Variants in RIMBP2 observed in about 807,000 individuals in gnomAD.
RIMBP2 encodes RIMS binding protein 2.
RIMBP2 carries 48 observed loss-of-function variants against 118.6 expected under a neutral mutation model. The observed-to-expected ratio is 0.40, with a 90% CI of 0.32 to 0.51. The LOEUF (loss-of-function observed/expected upper bound fraction) is 0.51, where lower values mean the gene tolerates loss of function less well. Among genes scored for constraint, RIMBP2 ranks in the 20% least tolerant of loss-of-function variants. The pLI is 0.41. For missense variants in RIMBP2, 1,551 were observed against 1,768.3 expected (o/e 0.88, Z 2.20); for synonymous variants, 762 against 742.9 (o/e 1.03, Z -0.42).
intron 2 of RIMBP2, among the ~76,000 whole-genome samples, chr12:130,570,487 A>G (rs2057547417): frequency 6.6e-6 from 1 of 152,206 alleles, no homozygotes; most frequent in Non-Finnish European, 1.5e-5. Flanking sequence ...AAACTTCAGA[A>G]AGGAGGAAAA....
chr12:130,531,162 T>G (rs1567993), intron 2 of RIMBP2, among the ~76,000 whole-genome samples: 113,472 of 152,172 alleles, frequency 0.75, 42,449 homozygotes, highest in East Asian at 0.84. Context: ...CCAGATGGAT[T>G]TTTTCAGATA....
chr12:130,412,021 G>A (rs932640327), intron 19 of RIMBP2, among the ~76,000 whole-genome samples: 4 of 151,940 alleles, frequency 2.6e-5, no homozygotes, highest in African/African-American at 4.8e-5. Flanking sequence ...GACTACAGAG[G>A]CTTTTTTTAA....
intron 1 of RIMBP2, among the ~76,000 whole-genome samples, chr12:130,687,406 C>A (rs1481095526): frequency 6.6e-6 from 1 of 152,136 alleles, no homozygotes; most frequent in Non-Finnish European, 1.5e-5. Context: ...GTTAACCAGT[C>A]GCCCACGCCC....
intron 11 of RIMBP2, among the ~76,000 whole-genome samples, chr12:130,439,471 TTGTGTATGTG>T (rs1221843808): frequency 1.8e-4 from 22 of 122,286 alleles, no homozygotes; most frequent in East Asian, 8.2e-4. Flanking sequence ...GTGTATGTAT[TTGTGTATGTG>T]TGTGTATGTG....
chr12:130,563,305 G>A (rs73456710), intron 2 of RIMBP2, among the ~76,000 whole-genome samples: 2,022 of 152,312 alleles, frequency 0.013, 44 homozygotes, highest in African/African-American at 0.046. Context: ...TCCTCAACAA[G>A]ACACCTGGTG....
chr12:130,481,763 G>A (rs2082028828), intron 4 of RIMBP2, among the ~76,000 whole-genome samples: 1 of 152,224 alleles, frequency 6.6e-6, no homozygotes, highest in Non-Finnish European at 1.5e-5. Flanking sequence ...CTGAGCCTGG[G>A]CAGGCCTGGC....
Position 130,419,449 on chromosome 12 carries a change from C to T in RIMBP2, c.3238+3004G>A, listed in dbSNP as rs1030831511. 6.6e-6 allele frequency: 1 copy of T among 152,190 alleles called. No homozygotes were observed. The highest frequency in any genetic ancestry group is 1.5e-5 in the Non-Finnish European group (1 of 68,042). 9.4% of individuals were successfully genotyped at this position (152,190 alleles called of 1,614,324 possible). A position where few individuals can be genotyped will look rare whatever the true frequency, so the allele number is the denominator to read the frequency against. On this transcript the variant is annotated intron_variant, in intron 17 of 22. Transcript: ENST00000690449. The surrounding 1 kb of genome is among the most constrained non-coding windows in gnomAD (Gnocchi z 4.3). ...AGAGAGGTTTCCCTCACTACCTGGC[C>T]CAGACCGACTGCCCTCACTGCTACT...
At chr12:130,673,214 A>G (rs2064280675) in intron 1 of RIMBP2, among the ~76,000 whole-genome samples, 2 of 152,196 alleles carry the variant, frequency 1.3e-5, no homozygotes, top group Admixed American at 1.3e-4. Context: ...CAGGCAGAGG[A>G]GGTGGGTGCC....
intron 21 of RIMBP2, among the ~76,000 whole-genome samples, chr12:130,402,968 T>C (rs1336591873): frequency 6.6e-6 from 1 of 152,100 alleles, no homozygotes; most frequent in East Asian, 1.9e-4. Flanking sequence ...CTGATGTAAA[T>C]TATGAAATAG....
At chr12:130,400,229 G>A (rs1288286426) in intron 21 of RIMBP2, among the ~76,000 whole-genome samples, 3 of 152,200 alleles carry the variant, frequency 2.0e-5, no homozygotes, top group Non-Finnish European at 4.4e-5. Context: ...TTCAGACGGT[G>A]GGGACCTGGT....
chr12:130,603,884 C>T (rs1593996565), intron 2 of RIMBP2, among the ~76,000 whole-genome samples: 1 of 152,178 alleles, frequency 6.6e-6, no homozygotes, highest in Non-Finnish European at 1.5e-5. Flanking sequence ...ATGTCACTCG[C>T]TTAGATATCT....
chr12:130,660,402 A>C (rs571138893), intron 1 of RIMBP2: 3 of 55,186 alleles, frequency 5.4e-5, no homozygotes. Flanking sequence ...TCTTATTGCC[A>C]CGTGAACAAC....
Position 130,450,894 on chromosome 12 carries a change from G to A in RIMBP2, c.504+301C>T, listed in dbSNP as rs980065365. ...ACAGGCCCCTCCCGGCCAGCTCTGC[G>A]TCAACAGCCTTGCTGCGTCATCCTT... On this transcript the variant is annotated intron_variant, in intron 8 of 22. Coordinates refer to ENST00000690449, the MANE Select transcript of RIMBP2 (RefSeq NM_001393629.1). This position sits in a 1 kb window ranked among gnomAD's most constrained non-coding sequence, Gnocchi z 4.8. Among the ~76,000 whole-genome samples the A allele has an allele frequency of 1.1e-4, 17 of 152,072 alleles. No individual in the cohort carries two copies. Among genetic ancestry groups the A allele is most frequent in the Admixed American group, 6.5e-4 (10 of 15,278 alleles).
At chr12:130,414,514 G>C in intron 17 of RIMBP2, 1 of 465,626 alleles carries the variant, frequency 2.1e-6, no homozygotes, top group Non-Finnish European at 3.8e-6. Context: ...CTCTGTACCT[G>C]GCCACACTGC....
chr12:130,555,138 C>G (rs2056222471), intron 2 of RIMBP2, among the ~76,000 whole-genome samples: 1 of 152,192 alleles, frequency 6.6e-6, no homozygotes, highest in African/African-American at 2.4e-5. Context: ...AAGACTTGAA[C>G]CCTGCGATCT....
chr12:130,482,282 T>C (rs1286893953), intron 4 of RIMBP2, among the ~76,000 whole-genome samples: 1 of 152,190 alleles, frequency 6.6e-6, no homozygotes, highest in Admixed American at 6.5e-5. Context: ...ATTCATTGCT[T>C]CTTCTGGATA....
At chr12:130,595,685 G>C (rs1055565232) in intron 2 of RIMBP2, among the ~76,000 whole-genome samples, 1 of 151,990 alleles carries the variant, frequency 6.6e-6, no homozygotes, top group Non-Finnish European at 1.5e-5. Context: ...AGAACAATGC[G>C]CGTGCACTCA....
At chr12:130,630,182 A>T (rs533435096) in intron 1 of RIMBP2, among the ~76,000 whole-genome samples, 1 of 152,012 alleles carries the variant, frequency 6.6e-6, no homozygotes, top group Non-Finnish European at 1.5e-5. Flanking sequence ...ATAAAAAGAG[A>T]CTATCAATCC....
chr12:130,690,363 G>A (rs1310684044), intron 1 of RIMBP2, among the ~76,000 whole-genome samples: 1 of 152,176 alleles, frequency 6.6e-6, no homozygotes, highest in Non-Finnish European at 1.5e-5. Context: ...ACAGAAACTG[G>A]TGCTCTTTCC....
Sources: allele counts gnomAD v4.1 joint callset (sites outside exome capture counted in the v4.1 genomes callset), GRCh38; gene constraint gnomAD v4.1.1; non-coding constraint Gnocchi (gnomAD v3.1); transcripts MANE v1.5; gene names NCBI Gene and HGNC (gene_info 2026-07-23, HGNC 2026-07-21).